The following CELF2 variants were observed in gnomAD, a reference collection of about 807,000 sequenced individuals.
CELF2 encodes CUGBP Elav-like family member 2, also known as CUG triplet repeat RNA-binding protein 2.
Under a neutral mutation model 62.6 loss-of-function variants are expected in CELF2, and 8 were observed. The observed-to-expected ratio is 0.13, with a 90% CI of 0.07 to 0.23. The LOEUF is 0.23. Among genes scored for constraint, CELF2 ranks in the 10% least tolerant of loss-of-function variants. CELF2 has a pLI of 1.00. For synonymous variants in CELF2, 258 were observed against 250.0 expected, an observed-to-expected ratio of 1.03 and a Z score of -0.30; for missense variants, 333 against 671.0, an observed-to-expected ratio of 0.50 and a Z score of 5.56.
At position 11,145,734 on chromosome 10, in the gene CELF2, A is replaced by G. The variant is rs1178661856; in HGVS notation, c.75-19752A>G. ...AAATCCAGCCAGGCCTCTGTGGTAGATAAGAAGTTGCTTCATTTATTTTTC... is the reference window on the plus strand; with the variant it reads ...AAATCCAGCCAGGCCTCTGTGGTAGGTAAGAAGTTGCTTCATTTATTTTTC... On this transcript the variant is annotated intron_variant, in intron 1 of 12. Coordinates refer to ENST00000633077, the MANE Select transcript of CELF2 (RefSeq NM_001326342.2). This position sits in a 1 kb window ranked among gnomAD's most constrained non-coding sequence, Gnocchi z 4.3. 6.6e-6 allele frequency among the ~76,000 whole-genome samples: 1 copy of G among 152,200 alleles called. No individual in the cohort carries two copies.
At chr10:10,543,843 G>C in the CELF2 span, among the ~76,000 whole-genome samples, 2 of 152,130 alleles carry the variant, frequency 1.3e-5, no homozygotes, top group Non-Finnish European at 2.9e-5. Context: ...TCTGTGTCAG[G>C]TACCATCTTG....
the CELF2 span, among the ~76,000 whole-genome samples, chr10:10,696,863 A>T: frequency 5.5e-3 from 835 of 152,070 alleles, 12 homozygotes; most frequent in African/African-American, 0.019. Context: ...CGTGCACCCA[A>T]TGACCTATGC....
At chr10:11,146,064 T>A (rs921538846) in intron 1 of CELF2, among the ~76,000 whole-genome samples, 4 of 152,236 alleles carry the variant, frequency 2.6e-5, no homozygotes, top group Non-Finnish European at 1.5e-5. Context: ...GTTCTGTTGC[T>A]GTAGGATCTG....
At position 11,242,099 on chromosome 10, in the gene CELF2, CT is replaced by C. The variant is rs2136948366; in HGVS notation, c.355-7053del. Reference sequence around the variant, plus strand: ...TCGTGAATTCACTTCTTTCCATCCCCTCTCTCTACTTTTAAATATTTTATGG... The same window carrying C: ...TCGTGAATTCACTTCTTTCCATCCCCCTCTCTACTTTTAAATATTTTATGG... On this transcript the variant is annotated intron_variant, in intron 3 of 12. Transcript: ENST00000633077. This position sits in a 1 kb window ranked among gnomAD's most constrained non-coding sequence, Gnocchi z 4.8. 6.6e-6 allele frequency among the ~76,000 whole-genome samples: 1 copy of C among 152,208 alleles called. No individual in the cohort carries two copies. The highest frequency in any genetic ancestry group is 2.4e-5 in the African/African-American group (1 of 41,520).
chr10:11,065,450 A>G (rs1027165444), intron 1 of CELF2, among the ~76,000 whole-genome samples: 9 of 152,148 alleles, frequency 5.9e-5, no homozygotes, highest in African/African-American at 2.2e-4. Flanking sequence ...TAAATGCGGT[A>G]CACTAAGTAG....
In CELF2 at chr10:11,280,381, G is replaced by A. The variant is rs2087939854; in HGVS notation, c.841+5261G>A. Among the ~76,000 whole-genome samples the A allele has an allele frequency of 6.6e-6, 1 of 152,170 alleles. No individual in the cohort carries two copies. The highest frequency in any genetic ancestry group is 2.1e-4 in the South Asian group (1 of 4,822). ...ACCTCTGTCCTCACCCAGATGCCCTGGCTGGTGTCCGCACATCAGGCCAGT... is the reference window on the plus strand; with the variant it reads ...ACCTCTGTCCTCACCCAGATGCCCTAGCTGGTGTCCGCACATCAGGCCAGT... On this transcript the variant is annotated intron_variant, in intron 8 of 12. Transcript: ENST00000633077. The surrounding 1 kb of genome is among the most constrained non-coding windows in gnomAD (Gnocchi z 7.6).
chr10:11,218,620 A>G lies in CELF2; in HGVS notation c.354+1113A>G, dbSNP rs144137808. 1.5e-3 allele frequency among the ~76,000 whole-genome samples: 223 copies of G among 152,354 alleles called. 3 individuals are homozygous for G. Among genetic ancestry groups the G allele is most frequent in the African/African-American group, 4.9e-3 (204 of 41,586 alleles). On this transcript the variant is annotated intron_variant, in intron 3 of 12. Transcript: ENST00000633077. ...CATAAATTAAGAACCTTGATTTTGA[A>G]TCATACTACTTTGGTATTCCCCTTT...
At chr10:10,568,416 T>TA in the CELF2 span, among the ~76,000 whole-genome samples, 1 of 152,206 alleles carries the variant, frequency 6.6e-6, no homozygotes, top group Non-Finnish European at 1.5e-5. Context: ...TACAAAAGCA[T>TA]AACCTCTTGG....
In CELF2 at chr10:11,032,146, CAA is replaced by C. The variant is rs56364371; in HGVS notation, c.74+14007_74+14008del. ...CTCCCAGCTCCACATAGGGCTTAGC[CAA>C]AAAAAAAAAAAAAAAAAAAAAAATT... On this transcript the variant is annotated intron_variant, in intron 1 of 12. Coordinates refer to ENST00000633077, the MANE Select transcript of CELF2 (RefSeq NM_001326342.2). Among the ~76,000 whole-genome samples the C allele has an allele frequency of 4.1e-3, 350 of 86,380 alleles. 4 individuals carry two copies. The highest frequency in any genetic ancestry group is 0.012 in the African/African-American group (305 of 24,976). The allele number at this position is 86,380 out of a possible 152,430, so 56.7% of individuals were successfully genotyped here.
chr10:10,723,709 G>T, the CELF2 span, among the ~76,000 whole-genome samples: 2 of 152,174 alleles, frequency 1.3e-5, no homozygotes, highest in Non-Finnish European at 2.9e-5. Context: ...AAGTATCTTT[G>T]TACCATTCTG....
At chr10:10,633,782 G>A in the CELF2 span, among the ~76,000 whole-genome samples, 2 of 151,772 alleles carry the variant, frequency 1.3e-5, no homozygotes, top group African/African-American at 4.8e-5. Context: ...CCTGTAATGA[G>A]TGAGGTACTG....
Position 11,244,829 on chromosome 10 carries a change from A to G in CELF2, c.355-4324A>G, listed in dbSNP as rs1031751479. On this transcript the variant is annotated intron_variant, in intron 3 of 12. Coordinates refer to ENST00000633077, the MANE Select transcript of CELF2 (RefSeq NM_001326342.2). This position sits in a 1 kb window ranked among gnomAD's most constrained non-coding sequence, Gnocchi z 4.2. ...GTCCTTTCCACATCTTCCGGTTAAC[A>G]TGAGGATTGCTTTGAGAATGAATGC... Among the ~76,000 whole-genome samples, 14 of 152,286 alleles carry G rather than the reference A, an allele frequency of 9.2e-5. No homozygotes were observed. Among genetic ancestry groups the G allele is most frequent in the African/African-American group, 3.4e-4 (14 of 41,554 alleles).
chr10:11,074,276 A>AT (rs1310766711), intron 1 of CELF2, among the ~76,000 whole-genome samples: 1 of 152,188 alleles, frequency 6.6e-6, no homozygotes, highest in Non-Finnish European at 1.5e-5. Context: ...GTGCTGAAAC[A>AT]TTTTTTTAAA....
chr10:10,741,492 C>CAAAAAAAAA, the CELF2 span, among the ~76,000 whole-genome samples: 1 of 57,334 alleles, frequency 1.7e-5, no homozygotes, highest in Non-Finnish European at 3.0e-5. Flanking sequence ...GACTCCGTCT[C>CAAAAAAAAA]AAAAAAAAAA....
chr10:10,723,439 A>G, the CELF2 span, among the ~76,000 whole-genome samples: 24 of 152,226 alleles, frequency 1.6e-4, no homozygotes, highest in Admixed American at 9.8e-4. Flanking sequence ...TAAGGACTCC[A>G]TGAGTGTTTT....
chr10:10,509,999 C>T, the CELF2 span, among the ~76,000 whole-genome samples: 1 of 152,224 alleles, frequency 6.6e-6, no homozygotes, highest in Non-Finnish European at 1.5e-5. Flanking sequence ...CCTGCAAAGG[C>T]ATTTCTCCAT....
At chr10:10,584,368 G>A in the CELF2 span, among the ~76,000 whole-genome samples, 3 of 152,172 alleles carry the variant, frequency 2.0e-5, no homozygotes, top group African/African-American at 7.2e-5. Flanking sequence ...CAGAACTGCT[G>A]GATTGGTTAC....
the CELF2 span, among the ~76,000 whole-genome samples, chr10:10,747,667 G>A: frequency 6.6e-6 from 1 of 152,186 alleles, no homozygotes; most frequent in Non-Finnish European, 1.5e-5. Flanking sequence ...GGACAGCCAG[G>A]GAGCACCTCA....
At chr10:10,545,182 T>C in the CELF2 span, among the ~76,000 whole-genome samples, 3 of 152,212 alleles carry the variant, frequency 2.0e-5, no homozygotes, top group African/African-American at 7.2e-5. Context: ...AACGTAAAGA[T>C]GCCCATTTTT....
Sources: allele counts gnomAD v4.1 joint callset (sites outside exome capture counted in the v4.1 genomes callset), GRCh38; gene constraint gnomAD v4.1.1; non-coding constraint Gnocchi (gnomAD v3.1); transcripts MANE v1.5; gene names NCBI Gene and HGNC (gene_info 2026-07-23, HGNC 2026-07-21).